SIK3: variants seen among roughly 807,000 people sequenced by gnomAD.
SIK3 encodes SIK family kinase 3, also known as serine/threonine-protein kinase SIK3.
Under a neutral mutation model 144.2 loss-of-function variants are expected in SIK3, and 28 were observed. The observed-to-expected ratio is 0.19, with a 90% CI of 0.14 to 0.27. The LOEUF (loss-of-function observed/expected upper bound fraction) is 0.27, where lower values mean the gene tolerates loss of function less well. Among genes scored for constraint, SIK3 ranks in the 10% least tolerant of loss-of-function variants. SIK3 has a pLI of 1.00. For missense variants in SIK3, 1,319 were observed against 1,776.0 expected (o/e 0.74, Z 4.62); for synonymous variants, 686 against 676.3 (o/e 1.01, Z -0.22).
intron 6 of SIK3, among the ~76,000 whole-genome samples, chr11:116,895,338 T>A (rs1254817850): frequency 1.3e-5 from 2 of 152,180 alleles, no homozygotes; most frequent in African/African-American, 4.8e-5. Flanking sequence ...CCTTTCTCCA[T>A]GAAGGGGTTT....
At chr11:117,030,584 T>C (rs554624436) in intron 1 of SIK3, among the ~76,000 whole-genome samples, 4 of 152,338 alleles carry the variant, frequency 2.6e-5, no homozygotes, top group Non-Finnish European at 5.9e-5. Flanking sequence ...CTGGAAGTTA[T>C]ATACAGTTAT....
chr11:116,971,464 A>G (rs796419222), intron 1 of SIK3, among the ~76,000 whole-genome samples: 1 of 152,244 alleles, frequency 6.6e-6, no homozygotes, highest in East Asian at 1.9e-4. Context: ...GTTTTAGACT[A>G]GTTAATTCCA....
rs1555067908 is a variant in SIK3, at chr11:116,856,196, C to CG, written c.3655+1613_3655+1614insC. On this transcript the variant is annotated intron_variant, in intron 21 of 24. Transcript: ENST00000445177. ...TGGGTGACAGAGCAAGACTCCGTCT[C>CG]AAAAAAAAAAAAAAAAAGAAACGTG... Among the ~76,000 whole-genome samples the CG allele has an allele frequency of 3.5e-5, 4 of 115,650 alleles. No homozygotes were observed. The East Asian group carries it at 1.1e-3, about 32-fold the overall frequency. The allele number at this position is 115,650 out of a possible 152,430, so 75.9% of individuals were successfully genotyped here.
chr11:116,931,540 GAACATACCCTGA>G (rs2135171156), intron 3 of SIK3, among the ~76,000 whole-genome samples: 1 of 152,262 alleles, frequency 6.6e-6, no homozygotes, highest in South Asian at 2.1e-4. Context: ...AGCTGAAAAT[GAACATACCCTGA>G]CAGCAGGACA....
intron 1 of SIK3, among the ~76,000 whole-genome samples, chr11:117,060,763 A>G (rs575515147): frequency 6.6e-6 from 1 of 152,336 alleles, no homozygotes; most frequent in South Asian, 2.1e-4. Flanking sequence ...GTGCAACACA[A>G]ACTATGGATT....
chr11:116,912,123 G>A lies in SIK3; in HGVS notation c.617-14806C>T, dbSNP rs373369613. Among the ~76,000 whole-genome samples the A allele has an allele frequency of 3.5e-4, 53 of 152,268 alleles. No individual in the cohort carries two copies. The East Asian group carries it at 5.0e-3, about 14-fold the overall frequency. ...CACCCTAGTTGGTTAGCATTTGTCC[G>A]CAGGCTGAAATGGCAACTTAAATCC... On this transcript the variant is annotated intron_variant, in intron 4 of 24. Coordinates refer to ENST00000445177, the MANE Select transcript of SIK3 (RefSeq NM_001366686.3).
intron 1 of SIK3, among the ~76,000 whole-genome samples, chr11:117,070,443 C>CTTT (rs34756068): frequency 4.1e-5 from 6 of 146,684 alleles, no homozygotes; most frequent in Non-Finnish European, 4.5e-5. Flanking sequence ...TGAACAATAC[C>CTTT]TTTTTTTTTT....
intron 3 of SIK3, among the ~76,000 whole-genome samples, chr11:116,931,803 G>A (rs568876063): frequency 8.1e-4 from 123 of 152,288 alleles, no homozygotes; most frequent in African/African-American, 2.8e-3. Context: ...AAAGCAGGGC[G>A]AGGCCAAGAT....
intron 6 of SIK3, among the ~76,000 whole-genome samples, chr11:116,884,469 C>T (rs1386119821): frequency 1.3e-5 from 2 of 150,592 alleles, no homozygotes; most frequent in Non-Finnish European, 1.5e-5. Context: ...GCCTCATAAA[C>T]GATAATATGC....
At chr11:117,048,353 T>A (rs1171471092) in intron 1 of SIK3, among the ~76,000 whole-genome samples, 1 of 152,172 alleles carries the variant, frequency 6.6e-6, no homozygotes, top group Non-Finnish European at 1.5e-5. Flanking sequence ...TATACAGACA[T>A]AAGGTCAATT....
At chr11:117,007,849 T>G (rs764145020) in intron 1 of SIK3, among the ~76,000 whole-genome samples, 1 of 152,016 alleles carries the variant, frequency 6.6e-6, no homozygotes, top group Non-Finnish European at 1.5e-5. Context: ...TTTGGGAGGC[T>G]GAGGCGAGTA....
chr11:117,003,644 T>C (rs995334836), intron 1 of SIK3, among the ~76,000 whole-genome samples: 1 of 152,118 alleles, frequency 6.6e-6, no homozygotes, highest in African/African-American at 2.4e-5. Context: ...AATATATATA[T>C]TTATTCAATG....
chr11:116,900,045 C>A (rs551583584), intron 4 of SIK3, among the ~76,000 whole-genome samples: 1 of 152,162 alleles, frequency 6.6e-6, no homozygotes, highest in African/African-American at 2.4e-5. Context: ...GCTACTTCTA[C>A]CAGCATTTGA....
At chr11:117,047,825 T>C (rs1953037940) in intron 1 of SIK3, among the ~76,000 whole-genome samples, 1 of 152,156 alleles carries the variant, frequency 6.6e-6, no homozygotes, top group Admixed American at 6.5e-5. Flanking sequence ...AATTAAATTG[T>C]TTATGAAAAA....
intron 1 of SIK3, among the ~76,000 whole-genome samples, chr11:117,019,564 T>C (rs1208226103): frequency 1.8e-4 from 27 of 151,238 alleles, no homozygotes; most frequent in Non-Finnish European, 4.4e-5. Flanking sequence ...CAAAGCTCCA[T>C]AAAAACTGAA....
intron 1 of SIK3, among the ~76,000 whole-genome samples, chr11:117,076,288 G>C (rs1290066523): frequency 6.6e-6 from 1 of 152,094 alleles, no homozygotes; most frequent in Non-Finnish European, 1.5e-5. Context: ...CAAGGACTGA[G>C]TTCTCCCTCT....
intron 3 of SIK3, among the ~76,000 whole-genome samples, chr11:116,934,999 C>T (rs1947833415): frequency 6.6e-6 from 1 of 152,098 alleles, no homozygotes. Context: ...GCAGGAGAAT[C>T]GCTTGAACCT....
chr11:116,900,336 T>C (rs751201267), intron 4 of SIK3, among the ~76,000 whole-genome samples: 9 of 152,192 alleles, frequency 5.9e-5, no homozygotes, highest in Non-Finnish European at 1.2e-4. Context: ...TCCTCTTTTC[T>C]ATTTCCATTT....
rs1383483455 is a variant in SIK3 at position 116,988,303 on chromosome 11, G to A, written c.274-31239C>T. 5.3e-5 allele frequency among the ~76,000 whole-genome samples: 8 copies of A among 151,862 alleles called. No homozygotes were observed. In the South Asian group the frequency reaches 1.2e-3, roughly 24 times the overall value. On this transcript the variant is annotated intron_variant, in intron 1 of 24. Coordinates refer to ENST00000445177, the MANE Select transcript of SIK3 (RefSeq NM_001366686.3). ...AGGGAGGCTAAGGCAGGAGAATGGC[G>A]TGAACCCGGGAGGCGGAGCTTGCAG...
Sources: gnomAD v4.1 joint callset for allele counts (sites outside exome capture counted in the v4.1 genomes callset) on GRCh38, gnomAD v4.1.1 for gene constraint, MANE v1.5 for transcripts, NCBI Gene and HGNC (gene_info 2026-07-23, HGNC 2026-07-21) for gene names.